The following ZNF528 variants were observed in gnomAD, a reference collection of about 807,000 sequenced individuals.
The protein encoded by ZNF528 is zinc finger protein 528.
A neutral mutation model predicts 13.3 loss-of-function variants in ZNF528; 9 were observed. The ratio of observed to expected loss-of-function variants is 0.67; its 90% CI spans 0.41 to 1.18. The LOEUF (loss-of-function observed/expected upper bound fraction) is 1.18, where lower values mean the gene tolerates loss of function less well. ZNF528 is among the 50% of genes most tolerant of loss of function. ZNF528 has a pLI of 0.01. For missense variants in ZNF528, 858 were observed against 745.4 expected (o/e 1.15, Z -1.76); for synonymous variants, 264 against 254.3 (o/e 1.04, Z -0.36).
chr19:52,401,752 A>AGG lies in ZNF528; in HGVS notation c.-68_-68+1dup. ...TCAGAAGGAATCCACTCAACAGACG[A>AGG]GGTACCTTAACCACATAATGGTTGA... On this transcript the variant is annotated splice_region_variant and 5_prime_UTR_variant, in exon 3 of 7. Coordinates refer to ENST00000360465, the MANE Select transcript of ZNF528 (RefSeq NM_032423.3). 1 of 1,435,532 alleles carries AGG rather than the reference A, an allele frequency of 7.0e-7. No individual in the cohort carries two copies. Among genetic ancestry groups the AGG allele is most frequent in the Non-Finnish European group, 9.2e-7 (1 of 1,084,358 alleles). The allele number at this position is 1,435,532 out of a possible 1,614,324, so 88.9% of individuals were successfully genotyped here.
chr19:52,402,127 C>CA (rs778113011), intron 4 of ZNF528, 99 bp downstream of exon 4: 25 of 1,564,770 alleles, frequency 1.6e-5, no homozygotes, highest in Non-Finnish European at 2.0e-5. Flanking sequence ...TCCTGCCTGA[C>CA]ACGTTTGCTT....
At chr19:52,403,560 T>C (rs2058819808) in intron 4 of ZNF528, among the ~76,000 whole-genome samples, 1 of 148,660 alleles carries the variant, frequency 6.7e-6, no homozygotes, top group Non-Finnish European at 1.5e-5. Context: ...CTTGGGCGGC[T>C]GAGGTAGGAG....
rs1480135058 is a variant in ZNF528 at position 52,417,575 on chromosome 19, T to G, written c.*836T>G. 1 of 152,578 alleles carries G rather than the reference T, an allele frequency of 6.6e-6. No homozygotes were observed. Among genetic ancestry groups the G allele is most frequent in the Non-Finnish European group, 1.5e-5 (1 of 68,370 alleles). The allele number at this position is 152,578 out of a possible 1,614,324, so 9.5% of individuals were successfully genotyped here. ...AGGAAAAAGGTAGCCACCTTCTCCATTGAACAGCAGTACCTGCTGTTTAGC... is the reference window on the plus strand; with the variant it reads ...AGGAAAAAGGTAGCCACCTTCTCCAGTGAACAGCAGTACCTGCTGTTTAGC... On this transcript the variant is annotated 3_prime_UTR_variant, in exon 7 of 7. Coordinates refer to ENST00000360465, the MANE Select transcript of ZNF528 (RefSeq NM_032423.3).
chr19:52,403,746 T>C (rs1054871629), intron 4 of ZNF528, among the ~76,000 whole-genome samples: 2 of 151,442 alleles, frequency 1.3e-5, no homozygotes, highest in Non-Finnish European at 2.9e-5. Context: ...TACTAGTGTA[T>C]ATGAGTGTGT....
chr19:52,405,837 G>A, intron 4 of ZNF528, 70 bp from the exon 5 acceptor site: 2 of 1,583,836 alleles, frequency 1.3e-6, no homozygotes, highest in Non-Finnish European at 1.7e-6. Context: ...CTTAACGACT[G>A]TCTTCCCATT....
rs563472266 is a variant in ZNF528, at chr19:52,401,911, A to C, written c.-67-36A>C. Reference sequence around the variant, plus strand: ...TATGGCACAGGAAGGAGGTATGTTGATTCTAAGCCCTAAGCAGCATATTTT... The same window carrying C: ...TATGGCACAGGAAGGAGGTATGTTGCTTCTAAGCCCTAAGCAGCATATTTT... On this transcript the variant is annotated intron_variant, in intron 3 of 6. Coordinates refer to ENST00000360465, the MANE Select transcript of ZNF528 (RefSeq NM_032423.3). The C allele has an allele frequency of 3.3e-4, 531 of 1,599,654 alleles. 6 individuals are homozygous for C. The Middle Eastern group carries it at 1.0e-2, about 30-fold the overall frequency.
intron 2 of ZNF528, among the ~76,000 whole-genome samples, chr19:52,400,842 T>C (rs934678145): frequency 6.6e-6 from 1 of 152,104 alleles, no homozygotes; most frequent in Non-Finnish European, 1.5e-5. Flanking sequence ...GACTTTGAAT[T>C]TTCTGTCCTC....
At chr19:52,401,573 C>T (rs1324630190) in intron 2 of ZNF528, 112 bp from the exon 3 acceptor site, 2 of 954,618 alleles carry the variant, frequency 2.1e-6, no homozygotes, top group Non-Finnish European at 2.8e-6. Flanking sequence ...GCCCCCTTTC[C>T]TTTTCTGAGA....
At chr19:52,400,324 T>C (rs1056986356) in intron 2 of ZNF528, among the ~76,000 whole-genome samples, 4 of 152,102 alleles carry the variant, frequency 2.6e-5, no homozygotes, top group African/African-American at 9.7e-5. Context: ...TAGCTACATT[T>C]TTACTTGCAA....
At position 52,415,854 on chromosome 19, in the gene ZNF528, T is replaced by C. The variant is rs139528855; in HGVS notation, c.1002T>C (p.Phe334=). The C allele has an allele frequency of 6.9e-5, 111 of 1,613,798 alleles. No individual in the cohort carries two copies. The highest frequency in any genetic ancestry group is 8.8e-5 in the Non-Finnish European group (104 of 1,179,926). Residue 334 remains phenylalanine (F), a synonymous_variant, in exon 7 of 7, where the codon TTT becomes TTC. Transcript: ENST00000360465. ...PYSCNKCGKV[F]SRHSYLAEHQ... is the part of the protein sequence containing the mutation. ...GTTGTAATAAATGTGGCAAGGTCTTTAGTCGCCATTCATATCTAGCAGAAC... is the reference window on the plus strand; with the variant it reads ...GTTGTAATAAATGTGGCAAGGTCTTCAGTCGCCATTCATATCTAGCAGAAC...
At chr19:52,404,772 T>G (rs929052689) in intron 4 of ZNF528, among the ~76,000 whole-genome samples, 1 of 151,458 alleles carries the variant, frequency 6.6e-6, no homozygotes, top group African/African-American at 2.4e-5. Context: ...AATTTTTTTC[T>G]ATTTTTAGTA....
chr19:52,415,811 C>T lies in ZNF528; in HGVS notation c.959C>T (p.Thr320Ile). The T allele has an allele frequency of 6.2e-7, 1 of 1,614,070 alleles. No individual in the cohort carries two copies. Among genetic ancestry groups the T allele is most frequent in the Non-Finnish European group, 8.5e-7 (1 of 1,180,014 alleles). ...CTTGTACGACATCAAAAAATTCATA[C>T]TGGAGAGAAACCTTACAGTTGTAAT... is the stretch of plus-strand genomic sequence containing the variant. ...AHLVRHQKIH[T>I]GEKPYSCNKC... The change falls in exon 7 of 7, where the codon ACT becomes ATT. Residue 320 changes from threonine to isoleucine, a missense_variant. By Grantham distance (89) the Thr-to-Ile change is moderately conservative. Transcript: ENST00000360465.
chr19:52,411,909 A>G (rs1465232396), intron 6 of ZNF528: 1 of 152,238 alleles, frequency 6.6e-6, no homozygotes, highest in African/African-American at 2.4e-5. Context: ...CTGACTGACC[A>G]TCCAGACCAA....
intron 6 of ZNF528, chr19:52,413,091 C>T (rs1028485532): frequency 1.3e-5 from 2 of 152,166 alleles, no homozygotes; most frequent in African/African-American, 4.8e-5. Flanking sequence ...GCATAGGGCT[C>T]CTACAACCCT....
chr19:52,408,106 A>G (rs949222309), intron 6 of ZNF528: 3 of 152,160 alleles, frequency 2.0e-5, no homozygotes, highest in Non-Finnish European at 4.4e-5. Context: ...TATTACTGGC[A>G]GAAATTAATC....
intron 2 of ZNF528, 69 bp from the exon 3 acceptor site, chr19:52,401,616 A>G: frequency 8.4e-7 from 1 of 1,192,050 alleles, no homozygotes; most frequent in Non-Finnish European, 1.1e-6. Context: ...GTGCTTGATC[A>G]AAGTATGATT....
chr19:52,404,715 G>A (rs1246701501), intron 4 of ZNF528, among the ~76,000 whole-genome samples: 2 of 151,916 alleles, frequency 1.3e-5, no homozygotes, highest in African/African-American at 2.4e-5. Flanking sequence ...TCCTGTCTCA[G>A]CCTTCTTAGT....
In ZNF528 at chr19:52,415,265, C is replaced by T. The variant is rs548387352; in HGVS notation, c.413C>T (p.Pro138Leu). ...KISGCKHFEK[P>L]VSDNSSVSPL... ...TCTGGGTGTAAGCATTTTGAAAAAC[C>T]CGTCAGTGACAATTCCTCAGTTTCA... The change falls in exon 7 of 7, where the codon CCC becomes CTC. Residue 138 changes from proline (P) to leucine (L), a missense_variant. By Grantham distance (98) the Pro-to-Leu change is moderately conservative. Coordinates refer to ENST00000360465, the MANE Select transcript of ZNF528 (RefSeq NM_032423.3). 6.2e-7 allele frequency: 1 copy of T among 1,613,880 alleles called. No individual in the cohort carries two copies. Among genetic ancestry groups the T allele is most frequent in the African/African-American group, 1.3e-5 (1 of 74,910 alleles).
At chr19:52,399,227 A>G (rs562723631) in intron 2 of ZNF528, among the ~76,000 whole-genome samples, 1 of 152,314 alleles carries the variant, frequency 6.6e-6, no homozygotes, top group East Asian at 1.9e-4. Context: ...GTGAGGAAAG[A>G]GGGGGACCCT....
Sources: allele counts gnomAD v4.1 joint callset (sites outside exome capture counted in the v4.1 genomes callset), GRCh38; gene constraint gnomAD v4.1.1; transcripts MANE v1.5; gene names NCBI Gene and HGNC (gene_info 2026-07-23, HGNC 2026-07-21).